PTPRK: variants seen among roughly 807,000 people sequenced by gnomAD.
PTPRK encodes receptor-type tyrosine-protein phosphatase kappa.
A neutral mutation model predicts 178.0 loss-of-function variants in PTPRK; 75 were observed. The ratio of observed to expected loss-of-function variants is 0.42; its 90% CI spans 0.35 to 0.51. PTPRK has a LOEUF of 0.51. Ranked by LOEUF, PTPRK falls within the 20% of genes least tolerant of loss-of-function variation. PTPRK has a pLI of 0.02. For synonymous variants in PTPRK, 637 were observed against 620.6 expected (o/e 1.03, Z -0.39); for missense variants, 1,441 against 1,797.8 (o/e 0.80, Z 3.59).
At chr6:128,099,175 C>T (rs1042316338) in intron 7 of PTPRK, among the ~76,000 whole-genome samples, 4 of 148,910 alleles carry the variant, frequency 2.7e-5, no homozygotes. Context: ...GAAAATAATA[C>T]ATTTATATAT....
rs139839997 is a variant in PTPRK, at chr6:128,071,142, C to T, written c.1884-3350G>A. Among the ~76,000 whole-genome samples, 994 of 151,130 alleles carry T rather than the reference C, an allele frequency of 6.6e-3. 3 individuals are homozygous for T. Among genetic ancestry groups the T allele is most frequent in the Admixed American group, 0.012 (184 of 15,126 alleles). On this transcript the variant is annotated intron_variant, in intron 11 of 29. Coordinates refer to ENST00000368226, the MANE Select transcript of PTPRK (RefSeq NM_002844.4). ...TTAAAAAAAAAACACCTGCCTTTCA[C>T]GGACCTTATATTCACTTTTATTTAC...
chr6:128,314,463 T>C (rs1827725182), intron 3 of PTPRK, among the ~76,000 whole-genome samples: 1 of 152,206 alleles, frequency 6.6e-6, no homozygotes, highest in Non-Finnish European at 1.5e-5. Context: ...TCTGTTTTCT[T>C]CAGATCTAAT....
chr6:128,016,801 C>A lies in PTPRK; in HGVS notation c.2195-7533G>T, dbSNP rs555886825. ...AAAGTTGTTTCAGGTCCTCCTCCGTCCCCACATACATATCCAGTTACCTGT... is the reference window on the plus strand; with the variant it reads ...AAAGTTGTTTCAGGTCCTCCTCCGTACCCACATACATATCCAGTTACCTGT... On this transcript the variant is annotated intron_variant, in intron 13 of 29. Transcript: ENST00000368226. Among the ~76,000 whole-genome samples, 92 of 151,996 alleles carry A rather than the reference C, an allele frequency of 6.1e-4. 3 individuals are homozygous for A. The South Asian group carries it at 0.018, about 29-fold the overall frequency.
intron 7 of PTPRK, among the ~76,000 whole-genome samples, chr6:128,094,775 G>C (rs1409847713): frequency 2.0e-5 from 3 of 152,128 alleles, no homozygotes; most frequent in African/African-American, 4.8e-5. Flanking sequence ...GTCTACCTAA[G>C]TCAGGAGTTG....
intron 13 of PTPRK, among the ~76,000 whole-genome samples, chr6:128,033,549 A>G (rs1582624501): frequency 6.6e-6 from 1 of 152,292 alleles, no homozygotes; most frequent in Non-Finnish European, 1.5e-5. Flanking sequence ...GTGGCTTTAC[A>G]TTTAATGAAA....
At chr6:128,375,196 T>C (rs995342595) in intron 2 of PTPRK, among the ~76,000 whole-genome samples, 3 of 151,548 alleles carry the variant, frequency 2.0e-5, no homozygotes, top group Non-Finnish European at 4.4e-5. Flanking sequence ...GAAGAATACC[T>C]GGCACACAAA....
At chr6:128,193,486 G>C (rs1356498086) in intron 6 of PTPRK, among the ~76,000 whole-genome samples, 1 of 152,026 alleles carries the variant, frequency 6.6e-6, no homozygotes, top group African/African-American at 2.4e-5. Flanking sequence ...GTGTGTGTGT[G>C]TGTGTGTGTC....
At chr6:128,140,184 A>C (rs912061107) in intron 7 of PTPRK, among the ~76,000 whole-genome samples, 17 of 152,172 alleles carry the variant, frequency 1.1e-4, no homozygotes, top group African/African-American at 3.9e-4. Flanking sequence ...ATGACAGCTG[A>C]ACATGTTATT....
chr6:128,278,326 T>G (rs1821105936), intron 3 of PTPRK, among the ~76,000 whole-genome samples: 1 of 151,982 alleles, frequency 6.6e-6, no homozygotes, highest in African/African-American at 2.4e-5. Flanking sequence ...CCAGGTAATT[T>G]TTTGTATTTT....
intron 2 of PTPRK, among the ~76,000 whole-genome samples, chr6:128,354,043 C>A (rs1833563790): frequency 6.6e-6 from 1 of 151,902 alleles, no homozygotes; most frequent in South Asian, 2.1e-4. Flanking sequence ...TTATAATTAT[C>A]TCAGAAATAA....
intron 1 of PTPRK, among the ~76,000 whole-genome samples, chr6:128,449,026 AT>A (rs952958739): frequency 1.5e-4 from 22 of 149,318 alleles, no homozygotes; most frequent in African/African-American, 1.7e-4. Context: ...CGCCTGGCTA[AT>A]TTTTTTTTTC....
chr6:128,237,734 C>T (rs1813552802), intron 5 of PTPRK, among the ~76,000 whole-genome samples: 1 of 152,130 alleles, frequency 6.6e-6, no homozygotes. Flanking sequence ...GAACTCTAGG[C>T]TGTTATTCTA....
intron 1 of PTPRK, among the ~76,000 whole-genome samples, chr6:128,451,440 T>C (rs1184708771): frequency 6.6e-6 from 1 of 152,170 alleles, no homozygotes; most frequent in Non-Finnish European, 1.5e-5. Context: ...ACACAATTAT[T>C]TGAAAAGTCT....
At chr6:128,321,745 A>C in intron 3 of PTPRK, 1 of 686,900 alleles carries the variant, frequency 1.5e-6, no homozygotes. Context: ...CCACCAACAA[A>C]TTTTGGACCT....
chr6:128,487,738 C>T (rs757720991), intron 1 of PTPRK, among the ~76,000 whole-genome samples: 1 of 152,128 alleles, frequency 6.6e-6, no homozygotes, highest in African/African-American at 2.4e-5. Flanking sequence ...GTCTTTGGGC[C>T]TTCATTTCAG....
chr6:128,311,061 G>T (rs1021482089), intron 3 of PTPRK, among the ~76,000 whole-genome samples: 1 of 152,122 alleles, frequency 6.6e-6, no homozygotes, highest in Non-Finnish European at 1.5e-5. Flanking sequence ...TAGCAATTCT[G>T]TTGACAAAAG....
chr6:128,482,936 A>T (rs566511455), intron 1 of PTPRK, among the ~76,000 whole-genome samples: 10 of 152,320 alleles, frequency 6.6e-5, no homozygotes, highest in Non-Finnish European at 1.0e-4. Flanking sequence ...TCCTGCTCAT[A>T]AAACCACTTG....
At chr6:128,327,464 C>T (rs1829731759) in intron 2 of PTPRK, among the ~76,000 whole-genome samples, 1 of 152,110 alleles carries the variant, frequency 6.6e-6, no homozygotes, top group Admixed American at 6.6e-5. Context: ...TTTTACCTCC[C>T]ACTTCTCTTC....
intron 6 of PTPRK, among the ~76,000 whole-genome samples, chr6:128,194,677 G>A (rs1181889478): frequency 6.6e-6 from 1 of 152,132 alleles, no homozygotes; most frequent in Non-Finnish European, 1.5e-5. Context: ...GAAGTCTAGG[G>A]CCATAAACAG....
Sources: gnomAD v4.1 joint callset for allele counts (sites outside exome capture counted in the v4.1 genomes callset) on GRCh38, gnomAD v4.1.1 for gene constraint, MANE v1.5 for transcripts, NCBI Gene and HGNC (gene_info 2026-07-23, HGNC 2026-07-21) for gene names.